Variants in KIRREL3 observed in about 807,000 individuals in gnomAD.
KIRREL3 encodes the protein kin of IRRE-like protein 3.
KIRREL3 carries 36 observed loss-of-function variants against 89.7 expected under a neutral mutation model. The observed-to-expected ratio is 0.40, with a 90% CI of 0.31 to 0.53. The LOEUF is 0.53. KIRREL3 is among the 20% of genes least tolerant of loss of function. KIRREL3 has a pLI of 0.49. For missense variants in KIRREL3, 864 were observed against 1,056.6 expected, an observed-to-expected ratio of 0.82 and a Z score of 2.53; for synonymous variants, 445 against 441.4, an observed-to-expected ratio of 1.01 and a Z score of -0.10.
chr11:126,758,824 GA>G (rs2134262939), intron 1 of KIRREL3, among the ~76,000 whole-genome samples: 1 of 152,308 alleles, frequency 6.6e-6, no homozygotes, highest in Non-Finnish European at 1.5e-5. Flanking sequence ...TTCCGTAGCA[GA>G]AAAAGCTTTG....
At chr11:126,436,557 C>A (rs1172409354) in intron 12 of KIRREL3, among the ~76,000 whole-genome samples, 2 of 152,264 alleles carry the variant, frequency 1.3e-5, no homozygotes, top group Non-Finnish European at 2.9e-5. Flanking sequence ...TGAAGCATCG[C>A]CCTCAAGGGC....
chr11:126,869,674 T>C (rs375207948), intron 1 of KIRREL3, among the ~76,000 whole-genome samples: 13 of 152,128 alleles, frequency 8.5e-5, no homozygotes, highest in African/African-American at 2.7e-4. Context: ...GCTCTCATCA[T>C]AGTGTTCAAC....
At chr11:126,941,131 T>C (rs1486945028) in intron 1 of KIRREL3, among the ~76,000 whole-genome samples, 2 of 152,164 alleles carry the variant, frequency 1.3e-5, no homozygotes, top group Non-Finnish European at 2.9e-5. Context: ...GAACTGGTAA[T>C]TATTGAAAAT....
chr11:126,618,367 C>T (rs1305119319), intron 1 of KIRREL3, among the ~76,000 whole-genome samples: 1 of 152,180 alleles, frequency 6.6e-6, no homozygotes, highest in African/African-American at 2.4e-5. Context: ...TCTTGTACGG[C>T]CTATGGAACC....
intron 1 of KIRREL3, among the ~76,000 whole-genome samples, chr11:126,803,158 G>A (rs1035608539): frequency 4.6e-5 from 7 of 152,166 alleles, no homozygotes; most frequent in African/African-American, 1.4e-4. Context: ...CTGATTAAAC[G>A]CAACATATGC....
chr11:126,474,291 GAGTT>G lies in KIRREL3; in HGVS notation c.434-829_434-826del, dbSNP rs1800175106. On this transcript the variant is annotated intron_variant, in intron 4 of 16. Transcript: ENST00000525144. This position sits in a 1 kb window ranked among gnomAD's most constrained non-coding sequence, Gnocchi z 6.7. ...TGAAGCACTGTCACACCTGCTGTCT[GAGTT>G]AGTCCTCACAACAGTCTGGTGAGGT... is the stretch of plus-strand genomic sequence containing the variant. 6.6e-6 allele frequency among the ~76,000 whole-genome samples: 1 copy of G among 152,178 alleles called. No individual in the cohort carries two copies. Among genetic ancestry groups the G allele is most frequent in the Admixed American group, 6.5e-5 (1 of 15,278 alleles).
chr11:126,794,470 T>A (rs2134369368), intron 1 of KIRREL3, among the ~76,000 whole-genome samples: 1 of 152,332 alleles, frequency 6.6e-6, no homozygotes, highest in Non-Finnish European at 1.5e-5. Context: ...AGTCTCCTTA[T>A]CTATAAAATA....
At chr11:126,442,058 G>A (rs1205447678) in intron 10 of KIRREL3, among the ~76,000 whole-genome samples, 1 of 151,716 alleles carries the variant, frequency 6.6e-6, no homozygotes, top group East Asian at 1.9e-4. Context: ...GGATCACAAG[G>A]TCAGGAGTTC....
At position 126,694,288 on chromosome 11, in the gene KIRREL3, T is replaced by A. The variant is rs1946999554; in HGVS notation, c.56-131376A>T. On this transcript the variant is annotated intron_variant, in intron 1 of 16. Transcript: ENST00000525144. The surrounding 1 kb of genome is among the most constrained non-coding windows in gnomAD (Gnocchi z 4.4). Reference sequence around the variant, plus strand: ...GCTCACTGCAAATGGTTGTTCTTGTTTTATTGCTTATTTATGGGAATCTAT... The same window carrying A: ...GCTCACTGCAAATGGTTGTTCTTGTATTATTGCTTATTTATGGGAATCTAT... Among the ~76,000 whole-genome samples, 1 of 152,218 alleles carries A rather than the reference T, an allele frequency of 6.6e-6. No individual in the cohort carries two copies. Among genetic ancestry groups the A allele is most frequent in the Non-Finnish European group, 1.5e-5 (1 of 68,032 alleles).
rs1381867574 is a variant in KIRREL3 at position 126,569,012 on chromosome 11, C to G, written c.56-6100G>C. Among the ~76,000 whole-genome samples, 1 of 151,930 alleles carries G rather than the reference C, an allele frequency of 6.6e-6. No individual in the cohort carries two copies. The highest frequency in any genetic ancestry group is 1.9e-4 in the East Asian group (1 of 5,156). The stretch of plus-strand genomic sequence containing the variant: ...GCCAGGTGGCTGTCATGGGAGAGGC[C>G]AAGGAACCAGAGAGCTTGGGAATGG... On this transcript the variant is annotated intron_variant, in intron 1 of 16. Transcript: ENST00000525144. This position sits in a 1 kb window ranked among gnomAD's most constrained non-coding sequence, Gnocchi z 6.5.
Position 126,459,518 on chromosome 11 carries a change from A to G in KIRREL3, c.743-3064T>C, listed in dbSNP as rs1213208721. On this transcript the variant is annotated intron_variant, in intron 6 of 16. Coordinates refer to ENST00000525144, the MANE Select transcript of KIRREL3 (RefSeq NM_032531.4). This position sits in a 1 kb window ranked among gnomAD's most constrained non-coding sequence, Gnocchi z 4.8. ...TTCTCCACTTCTGCTGGTGTACAGA[A>G]TATACATTTTCAGGAGTCTGCCAAG... Among the ~76,000 whole-genome samples, 1 of 152,198 alleles carries G rather than the reference A, an allele frequency of 6.6e-6. No homozygotes were observed. Among genetic ancestry groups the G allele is most frequent in the Non-Finnish European group, 1.5e-5 (1 of 68,038 alleles).
chr11:126,793,818 G>A lies in KIRREL3; in HGVS notation c.55+206637C>T, dbSNP rs527327699. ...AGGAACAGGCAGAGGTGAAGAACTC[G>A]CGTTCCTCTGCATGACTGAGCTCCA... On this transcript the variant is annotated intron_variant, in intron 1 of 16. Transcript: ENST00000525144. Among the ~76,000 whole-genome samples, 27 of 152,276 alleles carry A rather than the reference G, an allele frequency of 1.8e-4. No individual in the cohort carries two copies. The South Asian group carries it at 2.9e-3, about 16-fold the overall frequency.
rs1957753680 is a variant in KIRREL3 at position 126,498,690 on chromosome 11, G to A, written c.433+22625C>T. ...GAGGAGACTCAGTGATGAGAGGAAT[G>A]GTGTGTCCATGGGGACAGAGCTGGC... On this transcript the variant is annotated intron_variant, in intron 4 of 16. Coordinates refer to ENST00000525144, the MANE Select transcript of KIRREL3 (RefSeq NM_032531.4). The surrounding 1 kb of genome is among the most constrained non-coding windows in gnomAD (Gnocchi z 4.3). 6.6e-6 allele frequency among the ~76,000 whole-genome samples: 1 copy of A among 152,190 alleles called. No individual in the cohort carries two copies. Among genetic ancestry groups the A allele is most frequent in the Middle Eastern group, 3.2e-3 (1 of 316 alleles).
chr11:126,536,582 G>T (rs1937897252), intron 2 of KIRREL3, among the ~76,000 whole-genome samples: 1 of 150,972 alleles, frequency 6.6e-6, no homozygotes, highest in South Asian at 2.1e-4. Context: ...TGCAGACTCT[G>T]CCCTGGAGCC....
At chr11:126,517,149 AG>A (rs1958440516) in intron 4 of KIRREL3, among the ~76,000 whole-genome samples, 2 of 98,100 alleles carry the variant, frequency 2.0e-5, no homozygotes, top group Non-Finnish European at 2.3e-5. Flanking sequence ...AGAGAGAGAG[AG>A]AGAGAGAGAG....
intron 5 of KIRREL3, among the ~76,000 whole-genome samples, chr11:126,464,429 G>A (rs1017385653): frequency 1.2e-4 from 18 of 152,074 alleles, no homozygotes; most frequent in Admixed American, 1.2e-3. Flanking sequence ...TACTTGGGAG[G>A]CTAAGGTGAG....
intron 1 of KIRREL3, among the ~76,000 whole-genome samples, chr11:126,929,182 C>G (rs1242101729): frequency 6.6e-6 from 1 of 152,078 alleles, no homozygotes; most frequent in Non-Finnish European, 1.5e-5. Context: ...ATCTTGCAAG[C>G]TAATGGAGAA....
chr11:126,616,604 T>C (rs952845278), intron 1 of KIRREL3, among the ~76,000 whole-genome samples: 6 of 152,176 alleles, frequency 3.9e-5, no homozygotes, highest in African/African-American at 7.2e-5. Context: ...TGATAGGATT[T>C]TCCTTTTACA....
rs1421773925 is a variant in KIRREL3, at chr11:126,424,861, C to T, written c.2056G>A (p.Gly686Ser). ...TNIYSTLSGQ[G>S]RLYDYGQRFV... Reference sequence around the variant, plus strand: ...CGCTGCCCGTAGTCGTAGAGGCGGCCCTGGCCGCTCAGGGTGCTGTAGATG... The same window carrying T: ...CGCTGCCCGTAGTCGTAGAGGCGGCTCTGGCCGCTCAGGGTGCTGTAGATG... The change falls in exon 17 of 17, where the codon GGC (glycine) becomes AGC (serine). Residue 686 changes from glycine to serine, a missense_variant. Coordinates refer to ENST00000525144, the MANE Select transcript of KIRREL3 (RefSeq NM_032531.4). 3.7e-6 allele frequency: 6 copies of T among 1,613,902 alleles called. No individual in the cohort carries two copies. The South Asian group carries it at 5.5e-5, about 15-fold the overall frequency.
Sources: gnomAD v4.1 joint callset for allele counts (sites outside exome capture counted in the v4.1 genomes callset) on GRCh38, gnomAD v4.1.1 for gene constraint, Gnocchi (gnomAD v3.1) non-coding constraint, MANE v1.5 for transcripts, NCBI Gene and HGNC (gene_info 2026-07-23, HGNC 2026-07-21) for gene names.